The following ATG10 variants were observed in gnomAD, a reference collection of about 807,000 sequenced individuals.
ATG10 encodes ubiquitin-like-conjugating enzyme ATG10.
ATG10 carries 30 observed loss-of-function variants against 32.1 expected under a neutral mutation model. The observed-to-expected ratio is 0.94, with a 90% CI of 0.70 to 1.27. The LOEUF is 1.27. Ranked by LOEUF, ATG10 falls within the 50% of genes most tolerant of loss-of-function variation. The pLI is 0.00. For synonymous variants in ATG10, 87 were observed against 91.5 expected, an observed-to-expected ratio of 0.95 and a Z score of 0.28; for missense variants, 233 against 262.3, an observed-to-expected ratio of 0.89 and a Z score of 0.77.
intron 2 of ATG10, among the ~76,000 whole-genome samples, chr5:81,993,378 C>CTT (rs1252299756): frequency 2.3e-5 from 1 of 44,216 alleles, no homozygotes; most frequent in Non-Finnish European, 4.9e-5. Flanking sequence ...CTTTTCTTTT[C>CTT]TTTTCTTTTC....
At chr5:82,063,125 C>G in intron 3 of ATG10, among the ~76,000 whole-genome samples, 1 of 151,986 alleles carries the variant, frequency 6.6e-6, no homozygotes, top group East Asian at 1.9e-4. Flanking sequence ...TTGAGATCAG[C>G]CTGGACAGTA....
chr5:82,094,604 T>C (rs1764993480), intron 3 of ATG10, among the ~76,000 whole-genome samples: 1 of 152,124 alleles, frequency 6.6e-6, no homozygotes, highest in African/African-American at 2.4e-5. Context: ...TTAAAAAGTA[T>C]TTTTTAAATA....
chr5:82,111,715 C>G (rs1765627743), intron 3 of ATG10, among the ~76,000 whole-genome samples: 1 of 151,888 alleles, frequency 6.6e-6, no homozygotes, highest in Non-Finnish European at 1.5e-5. Flanking sequence ...GATGAAAACA[C>G]TGGTGATCCT....
chr5:82,189,568 A>T (rs1413901662), intron 5 of ATG10, among the ~76,000 whole-genome samples: 1 of 152,194 alleles, frequency 6.6e-6, no homozygotes, highest in East Asian at 1.9e-4. Context: ...TTACTGTTCA[A>T]ATTCAGCCTA....
chr5:82,132,924 T>C (rs1379490210), intron 3 of ATG10, among the ~76,000 whole-genome samples: 1 of 152,190 alleles, frequency 6.6e-6, no homozygotes, highest in East Asian at 1.9e-4. Context: ...TTTCTAATGG[T>C]CGCCATTCTA....
rs534640840 is a variant in ATG10, at chr5:82,201,575, C to G, written c.453+22988C>G. On this transcript the variant is annotated intron_variant, in intron 5 of 7. Transcript: ENST00000282185. ...TAGCTTTATATTAAATCTTGATAAA[C>G]CCTGTCTCTAAAGAATGAGTCTTCC... Among the ~76,000 whole-genome samples the G allele has an allele frequency of 2.0e-5, 3 of 152,264 alleles. No homozygotes were observed. The East Asian group carries it at 5.8e-4, about 29-fold the overall frequency.
chr5:82,237,660 C>T (rs1191382900), intron 5 of ATG10, among the ~76,000 whole-genome samples: 1 of 151,210 alleles, frequency 6.6e-6, no homozygotes, highest in Non-Finnish European at 1.5e-5. Flanking sequence ...AAAAAAAAGT[C>T]TTTGCTGCCG....
intron 3 of ATG10, among the ~76,000 whole-genome samples, chr5:82,142,637 T>A (rs538474492): frequency 1.1e-4 from 16 of 152,284 alleles, no homozygotes; most frequent in South Asian, 2.1e-4. Context: ...TGCATTGTCA[T>A]GTGCTAGAAA....
intron 3 of ATG10, among the ~76,000 whole-genome samples, chr5:82,076,902 G>A (rs572796718): frequency 6.6e-6 from 1 of 152,218 alleles, no homozygotes; most frequent in Middle Eastern, 3.4e-3. Context: ...TTTTCAGATC[G>A]CCTAATTCTA....
chr5:82,234,791 A>G (rs1561371545), intron 5 of ATG10, among the ~76,000 whole-genome samples: 1 of 152,196 alleles, frequency 6.6e-6, no homozygotes, highest in Non-Finnish European at 1.5e-5. Flanking sequence ...TTTAGAGGGA[A>G]TACCCAGTCT....
chr5:82,206,871 TA>T (rs1192569490), intron 5 of ATG10, among the ~76,000 whole-genome samples: 1 of 152,206 alleles, frequency 6.6e-6, no homozygotes, highest in Non-Finnish European at 1.5e-5. Context: ...TTGAATGTTG[TA>T]TAGATGAAAT....
At chr5:82,253,784 G>A (rs1483957702) in intron 7 of ATG10, among the ~76,000 whole-genome samples, 1 of 152,138 alleles carries the variant, frequency 6.6e-6, no homozygotes, top group Non-Finnish European at 1.5e-5. Context: ...TAGGTTGCGC[G>A]CTCCTTATGA....
At chr5:82,060,625 AG>A (rs1209103351) in intron 3 of ATG10, among the ~76,000 whole-genome samples, 6 of 152,176 alleles carry the variant, frequency 3.9e-5, no homozygotes, top group African/African-American at 1.2e-4. Context: ...GTACTTTGAA[AG>A]GCCGAGGCAG....
At chr5:82,252,756 T>G in intron 6 of ATG10, 97 bp downstream of exon 6, 1 of 677,010 alleles carries the variant, frequency 1.5e-6, no homozygotes, top group Admixed American at 3.2e-5. Context: ...AAAGAAATAT[T>G]AATAATAATA....
chr5:82,119,291 T>C (rs1433684724), intron 3 of ATG10, among the ~76,000 whole-genome samples: 1 of 152,184 alleles, frequency 6.6e-6, no homozygotes, highest in African/African-American at 2.4e-5. Flanking sequence ...TGAAAAAATT[T>C]TGCTTTTCAA....
At chr5:82,107,813 G>A (rs1012696955) in intron 3 of ATG10, among the ~76,000 whole-genome samples, 5 of 152,014 alleles carry the variant, frequency 3.3e-5, no homozygotes, top group South Asian at 2.1e-4. Context: ...AATGCAGAAG[G>A]ATAATAAAGG....
chr5:82,147,727 C>A (rs1005358947), intron 3 of ATG10: 1 of 152,354 alleles, frequency 6.6e-6, no homozygotes, highest in Non-Finnish European at 1.5e-5. Context: ...TGGCTGTCTT[C>A]TTTCTTGGGC....
At chr5:82,115,181 G>C (rs1157271491) in intron 3 of ATG10, among the ~76,000 whole-genome samples, 1 of 151,992 alleles carries the variant, frequency 6.6e-6, no homozygotes, top group Non-Finnish European at 1.5e-5. Context: ...AGAAATCAAC[G>C]ATGAAAAGTT....
chr5:82,138,287 C>T (rs1407634716), intron 3 of ATG10, among the ~76,000 whole-genome samples: 1 of 152,202 alleles, frequency 6.6e-6, no homozygotes, highest in Non-Finnish European at 1.5e-5. Context: ...AAAAAAACTC[C>T]TGCAGCTACC....
Sources: gnomAD v4.1 joint callset for allele counts (sites outside exome capture counted in the v4.1 genomes callset) on GRCh38, gnomAD v4.1.1 for gene constraint, MANE v1.5 for transcripts, NCBI Gene and HGNC (gene_info 2026-07-23, HGNC 2026-07-21) for gene names.